Variants in BCAS1 observed in about 807,000 individuals in gnomAD.
BCAS1 encodes breast carcinoma-amplified sequence 1.
BCAS1 carries 46 observed loss-of-function variants against 65.4 expected under a neutral mutation model. The ratio of observed to expected loss-of-function variants is 0.70; its 90% CI spans 0.55 to 0.90. The LOEUF (loss-of-function observed/expected upper bound fraction) is 0.90. BCAS1 is among the 40% of genes least tolerant of loss of function. The probability of loss-of-function intolerance (pLI) is 0.00; values close to 1 mark genes in which losing one functional copy is unlikely to be tolerated. For missense variants in BCAS1, 793 were observed against 771.2 expected, an observed-to-expected ratio of 1.03 and a Z score of -0.33; for synonymous variants, 298 against 293.5, an observed-to-expected ratio of 1.02 and a Z score of -0.16.
chr20:54,055,158 A>G (rs2092277606), intron 3 of BCAS1, among the ~76,000 whole-genome samples: 1 of 152,198 alleles, frequency 6.6e-6, no homozygotes, highest in Non-Finnish European at 1.5e-5. Flanking sequence ...AAGATAATTG[A>G]AAACAAACAA....
intron 4 of BCAS1, among the ~76,000 whole-genome samples, chr20:54,014,780 C>G (rs373633059): frequency 6.6e-6 from 1 of 152,306 alleles, no homozygotes; most frequent in South Asian, 2.1e-4. Context: ...GAGAATATCA[C>G]GCGAGCACAG....
chr20:53,974,900 C>A (rs746731405), intron 9 of BCAS1, among the ~76,000 whole-genome samples: 24 of 152,084 alleles, frequency 1.6e-4, no homozygotes, highest in African/African-American at 4.8e-4. Context: ...AGAGGTAGAC[C>A]CGTCAAGTCA....
chr20:54,007,036 C>A (rs973392808), intron 4 of BCAS1, among the ~76,000 whole-genome samples: 1 of 152,120 alleles, frequency 6.6e-6, no homozygotes. Flanking sequence ...AGACAGTAGG[C>A]AAGGTTCTCT....
chr20:54,039,066 C>T (rs1334808546), intron 3 of BCAS1, among the ~76,000 whole-genome samples: 1 of 151,216 alleles, frequency 6.6e-6, no homozygotes, highest in Non-Finnish European at 1.5e-5. Flanking sequence ...TTATGAAGAC[C>T]TCAAAAAATT....
At chr20:53,964,224 C>T (rs1423947536) in intron 10 of BCAS1, among the ~76,000 whole-genome samples, 1 of 152,284 alleles carries the variant, frequency 6.6e-6, no homozygotes, top group African/African-American at 2.4e-5. Flanking sequence ...GGTTCTCTAT[C>T]AGGGATTGCA....
intron 4 of BCAS1, among the ~76,000 whole-genome samples, chr20:54,015,281 C>T (rs2091411484): frequency 6.6e-6 from 1 of 152,094 alleles, no homozygotes; most frequent in South Asian, 2.1e-4. Flanking sequence ...ATCCACCCCC[C>T]TTGGCCTCCC....
In BCAS1 at chr20:54,040,138, G is replaced by A. The variant is rs545184543; in HGVS notation, c.143-11166C>T. Among the ~76,000 whole-genome samples the A allele has an allele frequency of 4.0e-4, 60 of 151,354 alleles. 1 individual carries two copies. The South Asian group carries it at 0.01, about 25-fold the overall frequency. On this transcript the variant is annotated intron_variant, in intron 3 of 12. Coordinates refer to ENST00000688948, the MANE Select transcript of BCAS1 (RefSeq NM_001366298.2). ...TTCCACTATAGTGGAATAAACTTTC[G>A]TGTTCAAAAATCCTAAACTGGTGCT...
chr20:53,958,293 T>G (rs1201355498), intron 10 of BCAS1, among the ~76,000 whole-genome samples: 1 of 152,202 alleles, frequency 6.6e-6, no homozygotes, highest in Non-Finnish European at 1.5e-5. Flanking sequence ...TTTAGTAATG[T>G]CCTATGCTTA....
At chr20:53,948,937 T>C (rs1407324649) in intron 12 of BCAS1, among the ~76,000 whole-genome samples, 2 of 152,138 alleles carry the variant, frequency 1.3e-5, no homozygotes, top group Non-Finnish European at 2.9e-5. Context: ...ACTGCGCTGA[T>C]TGTCACAAGC....
At position 53,985,320 on chromosome 20, in the gene BCAS1, G is replaced by T; in HGVS notation, c.1242C>A (p.Thr414=). The T allele has an allele frequency of 6.2e-7, 1 of 1,613,872 alleles. No homozygotes were observed. Among genetic ancestry groups the T allele is most frequent in the South Asian group, 1.1e-5 (1 of 91,068 alleles). ...AAAACAGTTTGCCCAGAGGCAGAGA[G>T]GTGGGTCCTGATTTCTCCTTGGTGC... The part of the protein sequence containing the change: ...KEGTKEKSGP[T]SLPLGKLFWK... Residue 414 remains threonine (T), a synonymous_variant, in exon 8 of 13, where the codon ACC becomes ACA. Transcript: ENST00000688948.
At chr20:53,976,914 T>A (rs2090348844) in intron 8 of BCAS1, among the ~76,000 whole-genome samples, 1 of 152,226 alleles carries the variant, frequency 6.6e-6, no homozygotes. Flanking sequence ...TCAGAAGAAA[T>A]TAGCAGTAGT....
rs918799426 is a variant in BCAS1 at position 54,040,660 on chromosome 20, G to A, written c.143-11688C>T. On this transcript the variant is annotated intron_variant, in intron 3 of 12. Coordinates refer to ENST00000688948, the MANE Select transcript of BCAS1 (RefSeq NM_001366298.2). Reference sequence around the variant, plus strand: ...CAGCATGATACGTCTTCACACCCACGAGGATGGCCATAATCAGAGAGACAA... The same window carrying A: ...CAGCATGATACGTCTTCACACCCACAAGGATGGCCATAATCAGAGAGACAA... 8.6e-5 allele frequency among the ~76,000 whole-genome samples: 13 copies of A among 151,182 alleles called. 1 individual carries two copies. The highest frequency in any genetic ancestry group is 4.4e-5 in the Non-Finnish European group (3 of 67,612).
Position 53,995,977 on chromosome 20 carries a change from T to G in BCAS1, c.797A>C (p.Glu266Ala), listed in dbSNP as rs1171900592. Residue 266 changes from glutamate to alanine, a missense_variant, in exon 5 of 13, where the codon GAA becomes GCA. Transcript: ENST00000688948. ...ATCGTCCTTTGCAGTCTCCAGTCCT[T>G]CTGGGTCCCCAGGGACAGAGCAATC... ...TADCSVPGDP[E>A]GLETAKDDSQ... 1 of 1,613,706 alleles carries G rather than the reference T, an allele frequency of 6.2e-7. No individual in the cohort carries two copies. Among genetic ancestry groups the G allele is most frequent in the Admixed American group, 1.7e-5 (1 of 59,980 alleles).
At chr20:54,046,477 C>T (rs1410852447) in intron 3 of BCAS1, among the ~76,000 whole-genome samples, 5 of 136,184 alleles carry the variant, frequency 3.7e-5, no homozygotes, top group Non-Finnish European at 4.6e-5. Context: ...TGCAGTGAGC[C>T]AAGATCATGC....
At chr20:54,049,496 G>T (rs1359096225) in intron 3 of BCAS1, among the ~76,000 whole-genome samples, 1 of 151,958 alleles carries the variant, frequency 6.6e-6, no homozygotes, top group Non-Finnish European at 1.5e-5. Flanking sequence ...TAAATAATAT[G>T]CAGGTGGGAA....
At chr20:54,047,329 C>T (rs1768350588) in intron 3 of BCAS1, among the ~76,000 whole-genome samples, 1 of 152,192 alleles carries the variant, frequency 6.6e-6, no homozygotes, top group South Asian at 2.1e-4. Context: ...TTATATAGGA[C>T]CAGCCCAGAG....
chr20:53,976,634 G>GA (rs2090342214), intron 8 of BCAS1, among the ~76,000 whole-genome samples: 1 of 152,316 alleles, frequency 6.6e-6, no homozygotes, highest in Admixed American at 6.5e-5. Context: ...GAAAGTGGTG[G>GA]AAATGGTTTT....
At chr20:53,969,816 T>C (rs1185772209) in intron 9 of BCAS1, among the ~76,000 whole-genome samples, 1 of 152,218 alleles carries the variant, frequency 6.6e-6, no homozygotes, top group Non-Finnish European at 1.5e-5. Context: ...AGCCAAAGAC[T>C]TGCACCAAAT....
At position 54,029,068 on chromosome 20, in the gene BCAS1, T is replaced by C. The variant is rs1600925373; in HGVS notation, c.143-96A>G. The C allele has an allele frequency of 2.0e-6, 3 of 1,469,640 alleles. No homozygotes were observed. In the East Asian group the frequency reaches 7.2e-5, roughly 35 times the overall value. The allele number at this position is 1,469,640 out of a possible 1,614,324, so 91.0% of individuals were successfully genotyped here. A position where few individuals can be genotyped will look rare whatever the true frequency, so the allele number is the denominator to read the frequency against. On this transcript the variant is annotated intron_variant, in intron 3 of 12. Transcript: ENST00000688948. ...GACATTTTTTATACAAAAGCCATAC[T>C]GCATACTGGAACTGTGTTGTTCTCT...
Sources: allele counts gnomAD v4.1 joint callset (sites outside exome capture counted in the v4.1 genomes callset), GRCh38; gene constraint gnomAD v4.1.1; transcripts MANE v1.5; gene names NCBI Gene and HGNC (gene_info 2026-07-23, HGNC 2026-07-21).